The following PRKN variants were observed in gnomAD, a reference collection of about 807,000 sequenced individuals.
The protein encoded by PRKN is parkin RBR E3 ubiquitin protein ligase.
In PRKN, 56 loss-of-function variants were observed where a neutral mutation model predicts 59.5. That is an observed-to-expected ratio of 0.94 (90% confidence interval 0.76 to 1.18). The LOEUF (loss-of-function observed/expected upper bound fraction) is 1.18. Ranked by LOEUF, PRKN falls within the 50% of genes most tolerant of loss-of-function variation. The pLI is 0.00. For missense variants in PRKN, 657 were observed against 596.4 expected (o/e 1.10, Z -1.06); for synonymous variants, 250 against 222.1 (o/e 1.13, Z -1.12).
Position 161,786,804 on chromosome 6 carries a change from T to C in PRKN, c.735-896A>G, listed in dbSNP as rs539250293. Reference sequence around the variant, plus strand: ...CTGCAAGATTTTGTCTATTGTGCCATCTCGAAACCATCCAAATATTCAGTT... The same window carrying C: ...CTGCAAGATTTTGTCTATTGTGCCACCTCGAAACCATCCAAATATTCAGTT... On this transcript the variant is annotated intron_variant, in intron 6 of 11. Transcript: ENST00000366898. Among the ~76,000 whole-genome samples the C allele has an allele frequency of 2.0e-5, 3 of 152,256 alleles. No homozygotes were observed. In the South Asian group the frequency reaches 6.2e-4, roughly 32 times the overall value.
At chr6:162,644,711 T>C (rs1418489274) in intron 1 of PRKN, among the ~76,000 whole-genome samples, 2 of 152,194 alleles carry the variant, frequency 1.3e-5, no homozygotes, top group South Asian at 4.1e-4. Context: ...GCTAACCTGA[T>C]GCCATTTATG....
chr6:162,528,937 G>A (rs931642338), intron 1 of PRKN, among the ~76,000 whole-genome samples: 2 of 152,068 alleles, frequency 1.3e-5, no homozygotes, highest in African/African-American at 2.4e-5. Context: ...GAGTGCAGTG[G>A]CGTGATCTCG....
intron 7 of PRKN, among the ~76,000 whole-genome samples, chr6:161,718,587 T>TCTC (rs559620191): frequency 0.24 from 37,086 of 151,830 alleles, 7,832 homozygotes; most frequent in African/African-American, 0.58. Flanking sequence ...TCAGGGTCAT[T>TCTC]CTCATTCCCT....
At chr6:161,443,218 G>A (rs1789326329) in intron 9 of PRKN, among the ~76,000 whole-genome samples, 1 of 151,674 alleles carries the variant, frequency 6.6e-6, no homozygotes, top group African/African-American at 2.4e-5. Context: ...GCTGAGGCAG[G>A]AGAATTGCTT....
intron 1 of PRKN, chr6:162,727,385 G>A (rs1402540965): frequency 6.3e-5 from 30 of 478,310 alleles, no homozygotes; most frequent in Non-Finnish European, 9.6e-5. Context: ...ACGAGGAGCG[G>A]GGGTGCGGGG....
At chr6:162,527,636 A>G (rs1012888405) in intron 1 of PRKN, among the ~76,000 whole-genome samples, 70 of 152,214 alleles carry the variant, frequency 4.6e-4, no homozygotes, top group African/African-American at 1.7e-3. Context: ...AACTGATCGA[A>G]TAAAAAACAA....
At chr6:161,535,849 C>T (rs1318410495) in intron 9 of PRKN, among the ~76,000 whole-genome samples, 1 of 152,140 alleles carries the variant, frequency 6.6e-6, no homozygotes, top group Non-Finnish European at 1.5e-5. Context: ...AAACTCCCAT[C>T]CCCTTAAGCC....
chr6:161,848,268 A>G (rs1181527020), intron 6 of PRKN, among the ~76,000 whole-genome samples: 1 of 152,140 alleles, frequency 6.6e-6, no homozygotes, highest in African/African-American at 2.4e-5. Context: ...ATGTAGGATT[A>G]GTTCTCATTG....
At chr6:162,506,031 T>C (rs960443211) in intron 1 of PRKN, among the ~76,000 whole-genome samples, 7 of 152,028 alleles carry the variant, frequency 4.6e-5, no homozygotes, top group African/African-American at 1.7e-4. Context: ...GAGGTCTCAG[T>C]TTTCTAGGAC....
rs557450340 is a variant in PRKN, at chr6:162,463,104, A to C, written c.8-19631T>G. Among the ~76,000 whole-genome samples, 3 of 151,804 alleles carry C rather than the reference A, an allele frequency of 2.0e-5. No individual in the cohort carries two copies. The South Asian group carries it at 6.3e-4, about 32-fold the overall frequency. ...ATTAAAAATTAAAAACGAAAAAAAA[A>C]CCACGTCATCTTTGAGCATGTTAGT... On this transcript the variant is annotated intron_variant, in intron 1 of 11. Coordinates refer to ENST00000366898, the MANE Select transcript of PRKN (RefSeq NM_004562.3).
intron 9 of PRKN, among the ~76,000 whole-genome samples, chr6:161,408,753 T>C (rs1787392078): frequency 6.6e-6 from 1 of 152,014 alleles, no homozygotes; most frequent in Non-Finnish European, 1.5e-5. Flanking sequence ...CTAGAAACCA[T>C]TCATGGGCAT....
At chr6:162,026,545 G>A (rs116778092) in intron 5 of PRKN, among the ~76,000 whole-genome samples, 2,016 of 152,232 alleles carry the variant, frequency 0.013, 40 homozygotes, top group African/African-American at 0.045. Flanking sequence ...TGCTTTTGCT[G>A]TAAATATTCT....
rs1785587183 is a variant in PRKN at position 161,374,604 on chromosome 6, G to GTAATGCATGGTGTGCAGGTTATGTA, written c.1167+12189_1167+12190insTACATAACCTGCACACCATGCATTA. ...TGTGTGGTGCATGTGTGTGGTGTGT[G>GTAATGCATGGTGTGCAGGTTATGTA]TATGTGTGTATGTGTGTGGCATGTG... On this transcript the variant is annotated intron_variant, in intron 10 of 11. Transcript: ENST00000366898. Among the ~76,000 whole-genome samples, 5 of 1,348 alleles carry GTAATGCATGGTGTGCAGGTTATGTA rather than the reference G, an allele frequency of 3.7e-3. 1 individual carries two copies. Among genetic ancestry groups the GTAATGCATGGTGTGCAGGTTATGTA allele is most frequent in the African/African-American group, 0.013 (5 of 372 alleles). The allele number at this position is 1,348 out of a possible 152,430, so 0.9% of individuals were successfully genotyped here. A position where few individuals can be genotyped will look rare whatever the true frequency, so the allele number is the denominator to read the frequency against.
intron 9 of PRKN, among the ~76,000 whole-genome samples, chr6:161,472,316 A>G (rs1045586315): frequency 3.3e-5 from 5 of 152,186 alleles, no homozygotes; most frequent in African/African-American, 1.2e-4. Flanking sequence ...AGGAAACCCA[A>G]TCCATGACAC....
At chr6:162,259,732 T>C (rs1779806488) in intron 3 of PRKN, among the ~76,000 whole-genome samples, 1 of 151,524 alleles carries the variant, frequency 6.6e-6, no homozygotes, top group Non-Finnish European at 1.5e-5. Context: ...GCACAGGAGT[T>C]CTGTTGAATG....
chr6:162,097,871 T>C (rs150134452), intron 4 of PRKN, among the ~76,000 whole-genome samples: 22 of 152,302 alleles, frequency 1.4e-4, no homozygotes, highest in African/African-American at 5.1e-4. Context: ...AAGCTTCCAA[T>C]GGTACTCTAA....
chr6:162,368,098 G>A (rs1173167010), intron 2 of PRKN, among the ~76,000 whole-genome samples: 3 of 152,148 alleles, frequency 2.0e-5, no homozygotes, highest in African/African-American at 4.8e-5. Context: ...ACAGGAACTC[G>A]CTGGCAAGGG....
chr6:162,416,741 G>C (rs1788646482), intron 2 of PRKN, among the ~76,000 whole-genome samples: 1 of 151,810 alleles, frequency 6.6e-6, no homozygotes, highest in Admixed American at 6.6e-5. Flanking sequence ...CACGTGATTG[G>C]GGACAGACAA....
intron 2 of PRKN, among the ~76,000 whole-genome samples, chr6:162,371,917 T>C (rs1371790127): frequency 1.3e-5 from 2 of 152,178 alleles, no homozygotes; most frequent in Non-Finnish European, 2.9e-5. Context: ...ATGAATGAGC[T>C]TGCTGAAGTG....
Sources: allele counts gnomAD v4.1 joint callset (sites outside exome capture counted in the v4.1 genomes callset), GRCh38; gene constraint gnomAD v4.1.1; transcripts MANE v1.5; gene names NCBI Gene and HGNC (gene_info 2026-07-23, HGNC 2026-07-21).